Variants in SLC30A9 observed in about 807,000 individuals in gnomAD.
SLC30A9 encodes the protein solute carrier family 30 member 9.
In SLC30A9, 58 loss-of-function variants were observed where a neutral mutation model predicts 87.5. The ratio of observed to expected loss-of-function variants is 0.66; its 90% CI spans 0.54 to 0.82. The LOEUF is 0.82. SLC30A9 is among the 40% of genes least tolerant of loss of function. The pLI, the probability that SLC30A9 is intolerant of heterozygous loss-of-function variation, is 0.00. For synonymous variants in SLC30A9, 234 were observed against 233.0 expected (o/e 1.00, Z -0.04); for missense variants, 557 against 679.1 (o/e 0.82, Z 2.00).
In SLC30A9 at chr4:42,041,471, C is replaced by A. The variant is rs568252999; in HGVS notation, c.737+2418C>A. Among the ~76,000 whole-genome samples, 3 of 152,288 alleles carry A rather than the reference C, an allele frequency of 2.0e-5. No homozygotes were observed. In the South Asian group the frequency reaches 6.2e-4, roughly 32 times the overall value. ...AAATAGCAGGCCTGGTACAGGCACACACCTGGAATCTCAGCACTTTGGGAG... is the reference window on the plus strand; with the variant it reads ...AAATAGCAGGCCTGGTACAGGCACAAACCTGGAATCTCAGCACTTTGGGAG... On this transcript the variant is annotated intron_variant, in intron 8 of 17. Coordinates refer to ENST00000264451, the MANE Select transcript of SLC30A9 (RefSeq NM_006345.4).
chr4:41,998,512 G>A (rs1714829323), intron 1 of SLC30A9, among the ~76,000 whole-genome samples: 1 of 150,330 alleles, frequency 6.7e-6, no homozygotes, highest in African/African-American at 2.4e-5. Context: ...CACCCTGGCT[G>A]GAATGCAATG....
chr4:42,066,492 C>G (rs375193677), intron 12 of SLC30A9, 58 bp from the exon 13 acceptor site: 53 of 1,111,952 alleles, frequency 4.8e-5, no homozygotes, highest in African/African-American at 4.7e-4. Context: ...GAGATGCCAT[C>G]TTTAAAGTTT....
intron 2 of SLC30A9, among the ~76,000 whole-genome samples, chr4:42,005,392 A>G (rs978321834): frequency 2.0e-5 from 3 of 152,152 alleles, no homozygotes; most frequent in Non-Finnish European, 2.9e-5. Flanking sequence ...TGTCTGTAGG[A>G]TTTTCAGAGG....
chr4:42,033,170 A>T (rs1042004801), intron 6 of SLC30A9, among the ~76,000 whole-genome samples: 2 of 152,120 alleles, frequency 1.3e-5, no homozygotes, highest in Non-Finnish European at 2.9e-5. Context: ...TTTTAAAAAT[A>T]ATTTTGTTTT....
intron 9 of SLC30A9, among the ~76,000 whole-genome samples, chr4:42,052,987 T>C (rs1314705644): frequency 6.6e-6 from 1 of 152,008 alleles, no homozygotes; most frequent in Non-Finnish European, 1.5e-5. Context: ...GGGACTGGTA[T>C]CCAGGATTAA....
At chr4:42,056,964 G>A (rs181302371) in intron 9 of SLC30A9, among the ~76,000 whole-genome samples, 3 of 152,286 alleles carry the variant, frequency 2.0e-5, no homozygotes, top group South Asian at 2.1e-4. Flanking sequence ...CAGTCAATTC[G>A]TAAAGCTCCA....
rs1170659169 is a variant in SLC30A9, at chr4:42,001,617, G to A, written c.111G>A (p.Glu37=). 2 of 1,569,950 alleles carry A rather than the reference G, an allele frequency of 1.3e-6. No individual in the cohort carries two copies. The highest frequency in any genetic ancestry group is 2.7e-5 in the African/African-American group (2 of 72,926). Residue 37 remains glutamate (E), a splice_region_variant and synonymous_variant, in exon 2 of 18, where the codon GAG becomes GAA. Coordinates refer to ENST00000264451, the MANE Select transcript of SLC30A9 (RefSeq NM_006345.4). Reference sequence around the variant, plus strand: ...AAGTATATATATTTTTTCTTTTAGAGTGGCAGAATTTAGTGACATTTGGAA... The same window carrying A: ...AAGTATATATATTTTTTCTTTTAGAATGGCAGAATTTAGTGACATTTGGAA... ...AAACNPSDRQ[E]WQNLVTFGSF...
At position 42,086,735 on chromosome 4, in the gene SLC30A9, T is replaced by C. The variant is rs760498184; in HGVS notation, c.*609T>C. Reference sequence around the variant, plus strand: ...ATTCCAGAAATGTTTAGTTACTGAATTGAATGAAGACATCTCAGTACACTC... The same window carrying C: ...ATTCCAGAAATGTTTAGTTACTGAACTGAATGAAGACATCTCAGTACACTC... On this transcript the variant is annotated 3_prime_UTR_variant, in exon 18 of 18. Coordinates refer to ENST00000264451, the MANE Select transcript of SLC30A9 (RefSeq NM_006345.4). 3 of 152,662 alleles carry C rather than the reference T, an allele frequency of 2.0e-5. No homozygotes were observed. The highest frequency in any genetic ancestry group is 4.4e-5 in the Non-Finnish European group (3 of 68,038). The allele number at this position is 152,662 out of a possible 1,614,324, so 9.5% of individuals were successfully genotyped here.
chr4:42,064,618 T>A (rs993255594), intron 11 of SLC30A9, among the ~76,000 whole-genome samples: 1 of 152,206 alleles, frequency 6.6e-6, no homozygotes, highest in Non-Finnish European at 1.5e-5. Flanking sequence ...ATTTGTATAG[T>A]GTCACTTTAT....
intron 1 of SLC30A9, among the ~76,000 whole-genome samples, chr4:41,998,348 A>G (rs1350106470): frequency 6.6e-6 from 1 of 152,248 alleles, no homozygotes; most frequent in Non-Finnish European, 1.5e-5. Context: ...TAAGTGCCAG[A>G]GTAAAGACTT....
intron 15 of SLC30A9, 70 bp from the exon 16 acceptor site, chr4:42,075,587 T>C (rs1251774667): frequency 4.2e-5 from 59 of 1,389,626 alleles, no homozygotes; most frequent in Non-Finnish European, 4.9e-5. Flanking sequence ...ATTCAAGCCT[T>C]TGTGCTATTA....
intron 2 of SLC30A9, among the ~76,000 whole-genome samples, chr4:42,002,329 T>C (rs1200758396): frequency 6.6e-6 from 1 of 152,034 alleles, no homozygotes; most frequent in Non-Finnish European, 1.5e-5. Context: ...TGTTACATGG[T>C]ATTTTGTGTG....
intron 7 of SLC30A9, among the ~76,000 whole-genome samples, chr4:42,038,196 A>T (rs1716770722): frequency 6.6e-6 from 1 of 152,026 alleles, no homozygotes; most frequent in African/African-American, 2.4e-5. Flanking sequence ...GGACCTTATC[A>T]TTATTTCTAG....
At position 42,002,527 on chromosome 4, in the gene SLC30A9, C is replaced by T. The variant is rs542275286; in HGVS notation, c.274+747C>T. Reference sequence around the variant, plus strand: ...TAGTTATAAGTGAGAATATGTGGTACTTGGTTTTTTGTTTTCTGTGTTAAT... The same window carrying T: ...TAGTTATAAGTGAGAATATGTGGTATTTGGTTTTTTGTTTTCTGTGTTAAT... On this transcript the variant is annotated intron_variant, in intron 2 of 17. Coordinates refer to ENST00000264451, the MANE Select transcript of SLC30A9 (RefSeq NM_006345.4). 5.9e-5 allele frequency among the ~76,000 whole-genome samples: 9 copies of T among 151,874 alleles called. No homozygotes were observed. The South Asian group carries it at 1.9e-3, about 31-fold the overall frequency.
chr4:42,021,390 T>C (rs1022553501), intron 4 of SLC30A9, among the ~76,000 whole-genome samples: 6 of 152,218 alleles, frequency 3.9e-5, no homozygotes, highest in African/African-American at 1.4e-4. Flanking sequence ...ATGTGATGGT[T>C]ATTGATGTTT....
intron 8 of SLC30A9, among the ~76,000 whole-genome samples, chr4:42,042,286 G>C (rs943228212): frequency 2.0e-5 from 3 of 152,296 alleles, no homozygotes; most frequent in East Asian, 1.9e-4. Flanking sequence ...CCTCCAGAGA[G>C]CCCAGAAAGC....
intron 12 of SLC30A9, among the ~76,000 whole-genome samples, chr4:42,066,063 A>G (rs906942623): frequency 4.1e-4 from 63 of 152,226 alleles, no homozygotes; most frequent in African/African-American, 1.3e-3. Context: ...AGAACTGCTA[A>G]TATCAGTATA....
intron 15 of SLC30A9, among the ~76,000 whole-genome samples, chr4:42,073,144 G>C (rs1368013229): frequency 1.3e-5 from 2 of 152,114 alleles, no homozygotes; most frequent in Non-Finnish European, 2.9e-5. Context: ...AAAGTGCTAG[G>C]TGTGAGCACC....
chr4:42,066,630 T>TA lies in SLC30A9; in HGVS notation c.1144+9_1144+10insA. ...GTCATTTTACAAGTATGGTATGTAT[T>TA]TTAGAAACCAAGTGTTTGTTTCACC... On this transcript the variant is annotated intron_variant, in intron 13 of 17. Transcript: ENST00000264451. 1 of 1,590,904 alleles carries TA rather than the reference T, an allele frequency of 6.3e-7. No individual in the cohort carries two copies. The highest frequency in any genetic ancestry group is 8.6e-7 in the Non-Finnish European group (1 of 1,162,526).
Sources: allele counts gnomAD v4.1 joint callset (sites outside exome capture counted in the v4.1 genomes callset), GRCh38; gene constraint gnomAD v4.1.1; transcripts MANE v1.5; gene names NCBI Gene and HGNC (gene_info 2026-07-23, HGNC 2026-07-21).